Variants in PLOD2 observed in about 807,000 individuals in gnomAD.
The protein encoded by PLOD2 is procollagen-lysine,2-oxoglutarate 5-dioxygenase 2, also known as lysine hydroxylase 2.
A neutral mutation model predicts 101.0 loss-of-function variants in PLOD2; 65 were observed. The ratio of observed to expected loss-of-function variants is 0.64; its 90% CI spans 0.53 to 0.79. PLOD2 has a LOEUF of 0.79. Among genes scored for constraint, PLOD2 ranks in the 30% least tolerant of loss-of-function variants. PLOD2 has a pLI of 0.00. For synonymous variants in PLOD2, 314 were observed against 302.9 expected (o/e 1.04, Z -0.38); for missense variants, 909 against 914.6 (o/e 0.99, Z 0.08).
At chr3:146,124,654 T>C (rs2030438286) in intron 1 of PLOD2, among the ~76,000 whole-genome samples, 1 of 64,346 alleles carries the variant, frequency 1.6e-5, no homozygotes, top group Non-Finnish European at 3.3e-5. Context: ...ATCAAAATAA[T>C]GACATACACA....
intron 1 of PLOD2, among the ~76,000 whole-genome samples, chr3:146,139,750 T>G (rs888070150): frequency 6.6e-6 from 1 of 152,182 alleles, no homozygotes; most frequent in Admixed American, 6.6e-5. Context: ...ATGCCATCAC[T>G]TTAAGTCATT....
chr3:146,111,001 T>G (rs946927103), intron 3 of PLOD2, among the ~76,000 whole-genome samples: 6 of 151,770 alleles, frequency 4.0e-5, no homozygotes, highest in African/African-American at 1.5e-4. Context: ...CTCAATACAC[T>G]TGGGAGAAAA....
At chr3:146,096,865 C>A (rs1164708827) in intron 7 of PLOD2, among the ~76,000 whole-genome samples, 1 of 62,390 alleles carries the variant, frequency 1.6e-5, no homozygotes, top group African/African-American at 7.0e-5. Flanking sequence ...CCAGCTGCCC[C>A]GTCCGGGAGG....
At chr3:146,096,037 C>G (rs1937144760) in intron 7 of PLOD2, among the ~76,000 whole-genome samples, 1 of 148,444 alleles carries the variant, frequency 6.7e-6, no homozygotes, top group Non-Finnish European at 1.5e-5. Context: ...CAGGCGCGCG[C>G]CGCCACGCCT....
chr3:146,123,994 A>T (rs1173118893), intron 2 of PLOD2, 144 bp downstream of exon 2: 1 of 627,502 alleles, frequency 1.6e-6, no homozygotes, highest in Non-Finnish European at 2.9e-6. Flanking sequence ...AAATATTAAT[A>T]AAGCCAAAAA....
chr3:146,124,528 C>T (rs895689532), intron 1 of PLOD2, among the ~76,000 whole-genome samples: 2 of 151,974 alleles, frequency 1.3e-5, no homozygotes, highest in Non-Finnish European at 1.5e-5. Context: ...ATAAAATGAA[C>T]TTTATAATCC....
intron 7 of PLOD2, among the ~76,000 whole-genome samples, chr3:146,097,795 T>TAAA (rs753043092): frequency 0.68 from 85,397 of 126,044 alleles, 28,818 homozygotes; most frequent in East Asian, 0.9. Context: ...GAATGATCAA[T>TAAA]AAAAAAAAAA....
At chr3:146,130,893 T>C (rs1175479743) in intron 1 of PLOD2, among the ~76,000 whole-genome samples, 1 of 152,186 alleles carries the variant, frequency 6.6e-6, no homozygotes, top group Non-Finnish European at 1.5e-5. Context: ...TTGGCAGGCA[T>C]CTGAAAAGTT....
chr3:146,160,790 T>G, intron 1 of PLOD2, 91 bp downstream of exon 1: 2 of 826,232 alleles, frequency 2.4e-6, no homozygotes, highest in Admixed American at 2.0e-5. Context: ...ACTACTCACC[T>G]GGCCAGCCCC....
At chr3:146,149,247 T>C (rs747511227) in intron 1 of PLOD2, among the ~76,000 whole-genome samples, 3 of 152,234 alleles carry the variant, frequency 2.0e-5, no homozygotes, top group Non-Finnish European at 4.4e-5. Flanking sequence ...GAAAGAAGTT[T>C]CTACAAACCA....
intron 9 of PLOD2, among the ~76,000 whole-genome samples, 178 bp from the exon 10 acceptor site, chr3:146,087,086 T>C (rs1936803658): frequency 6.6e-6 from 1 of 151,996 alleles, no homozygotes; most frequent in Non-Finnish European, 1.5e-5. Flanking sequence ...AAATGTCACA[T>C]GAATAATCTT....
At chr3:146,120,558 G>A (rs2030039303) in intron 3 of PLOD2, among the ~76,000 whole-genome samples, 1 of 152,200 alleles carries the variant, frequency 6.6e-6, no homozygotes, top group South Asian at 2.1e-4. Context: ...CATAGGCATG[G>A]GCAAGGACTT....
At chr3:146,136,189 A>T (rs1379308416) in intron 1 of PLOD2, among the ~76,000 whole-genome samples, 7 of 152,164 alleles carry the variant, frequency 4.6e-5, no homozygotes, top group African/African-American at 1.7e-4. Flanking sequence ...ATAATTATTC[A>T]TATTTTCTTC....
At position 146,121,294 on chromosome 3, in the gene PLOD2, T is replaced by C. The variant is rs151223406; in HGVS notation, c.202-46A>G. 301 of 1,563,466 alleles carry C rather than the reference T, an allele frequency of 1.9e-4. 2 individuals are homozygous for C. The African/African-American group carries it at 2.5e-3, about 13-fold the overall frequency. On this transcript the variant is annotated intron_variant, in intron 2 of 19. Transcript: ENST00000282903. ...TCATTCCTGAGCAAAACTCAAATTATGAAAGTACTATGAAAAACTTAAAGA... is the reference window on the plus strand; with the variant it reads ...TCATTCCTGAGCAAAACTCAAATTACGAAAGTACTATGAAAAACTTAAAGA...
intron 7 of PLOD2, among the ~76,000 whole-genome samples, chr3:146,099,709 T>C (rs1016667704): frequency 6.6e-6 from 1 of 151,876 alleles, no homozygotes; most frequent in African/African-American, 2.4e-5. Context: ...GATTAAAATA[T>C]TATATTACCA....
chr3:146,110,157 G>C, intron 4 of PLOD2, 128 bp downstream of exon 4: 1 of 793,930 alleles, frequency 1.3e-6, no homozygotes, highest in Non-Finnish European at 2.1e-6. Context: ...AAAATGCTTT[G>C]TCAATATACT....
chr3:146,070,719 AGG>A lies in PLOD2; in HGVS notation c.2273_2274del (p.Pro758LeufsTer16). 1 of 1,595,294 alleles carries A rather than the reference AGG, an allele frequency of 6.3e-7. No homozygotes were observed. Among genetic ancestry groups the A allele is most frequent in the Non-Finnish European group, 8.6e-7 (1 of 1,164,452 alleles). ...CAATTCAATGAAAAGTAAATAACTT[AGG>A]GATCTATAAATGACACTGCAATGTA... ...TRYIAVSFID[P>X] On this transcript the variant is annotated frameshift_variant, in exon 20 of 20. Transcript: ENST00000282903. LOFTEE classifies it high-confidence loss of function.
chr3:146,082,583 CAA>C (rs112853159), intron 11 of PLOD2, among the ~76,000 whole-genome samples: 2,208 of 152,146 alleles, frequency 0.015, 61 homozygotes, highest in African/African-American at 0.05. Flanking sequence ...ATTACATGCA[CAA>C]AAGTGAAATA....
intron 1 of PLOD2, among the ~76,000 whole-genome samples, chr3:146,134,487 A>G (rs1203691880): frequency 6.6e-6 from 1 of 152,234 alleles, no homozygotes; most frequent in African/African-American, 2.4e-5. Flanking sequence ...CAACCTCCAC[A>G]AATGAATGAG....
Sources: gnomAD v4.1 joint callset for allele counts (sites outside exome capture counted in the v4.1 genomes callset) on GRCh38, gnomAD v4.1.1 for gene constraint, MANE v1.5 for transcripts, NCBI Gene and HGNC (gene_info 2026-07-23, HGNC 2026-07-21) for gene names.